Variants in CRYBA4 observed in about 807,000 individuals in gnomAD.
CRYBA4 encodes the protein crystallin beta A4.
A neutral mutation model predicts 31.7 loss-of-function variants in CRYBA4; 30 were observed. The observed-to-expected ratio is 0.95, with a 90% CI of 0.71 to 1.28. The LOEUF is 1.28. CRYBA4 is among the 50% of genes most tolerant of loss of function. CRYBA4 has a pLI of 0.00. For synonymous variants in CRYBA4, 102 were observed against 102.3 expected (o/e 1.00, Z 0.02); for missense variants, 225 against 260.7 (o/e 0.86, Z 0.94).
chr22:26,616,268 C>CT, the CRYBA4 span: 4 of 1,613,966 alleles, frequency 2.5e-6, no homozygotes, highest in Admixed American at 1.7e-5. Context: ...GTGTCAGGCC[C>CT]TGGGTTCACC....
intron 5 of CRYBA4, 74 bp from the exon 6 acceptor site, chr22:26,630,266 G>T: frequency 6.3e-7 from 1 of 1,588,690 alleles, no homozygotes; most frequent in Non-Finnish European, 8.6e-7. Flanking sequence ...CGTGTGCATA[G>T]ATCCCTTTGC....
At chr22:26,610,845 CA>C in the CRYBA4 span, among the ~76,000 whole-genome samples, 1 of 152,164 alleles carries the variant, frequency 6.6e-6, no homozygotes, top group African/African-American at 2.4e-5. Flanking sequence ...ACAAGGCAAA[CA>C]GGGGAAGTCA....
At chr22:26,598,655 A>G in the CRYBA4 span, among the ~76,000 whole-genome samples, 12 of 152,312 alleles carry the variant, frequency 7.9e-5, no homozygotes, top group East Asian at 7.7e-4. Flanking sequence ...AAGTGTTGGG[A>G]TTACAGGGGT....
the CRYBA4 span, among the ~76,000 whole-genome samples, chr22:26,605,294 G>C: frequency 1.3e-5 from 2 of 152,150 alleles, no homozygotes; most frequent in African/African-American, 2.4e-5. Context: ...CTGCCTCCCT[G>C]GGTAGCTTAA....
the CRYBA4 span, among the ~76,000 whole-genome samples, chr22:26,609,650 G>A: frequency 7.2e-5 from 11 of 152,156 alleles, no homozygotes; most frequent in South Asian, 2.1e-4. Context: ...ATCAATAGAC[G>A]AATGGGTAGA....
chr22:26,627,450 CTT>C (rs1929768120), intron 4 of CRYBA4, among the ~76,000 whole-genome samples: 2 of 115,136 alleles, frequency 1.7e-5, no homozygotes, highest in East Asian at 3.2e-4. Flanking sequence ...TTCTTTCCTT[CTT>C]TCTTTTTCTT....
Position 26,630,217 on chromosome 22 carries a change from T to G in CRYBA4, c.444-123T>G, listed in dbSNP as rs1439305678. The G allele has an allele frequency of 3.2e-6, 4 of 1,248,626 alleles. No homozygotes were observed. The African/African-American group carries it at 5.9e-5, about 18-fold the overall frequency. The allele number at this position is 1,248,626 out of a possible 1,614,324, so 77.3% of individuals were successfully genotyped here. A position where few individuals can be genotyped will look rare whatever the true frequency, so the allele number is the denominator to read the frequency against. On this transcript the variant is annotated intron_variant, in intron 5 of 5. Transcript: ENST00000354760. ...GTAGGGGAGAGAGCATGGCACATTG[T>G]GAGCACTGAAGAAAGGCCAGGATGG...
chr22:26,617,035 G>C (rs1929378272), upstream of CRYBA4, among the ~76,000 whole-genome samples: 1 of 152,260 alleles, frequency 6.6e-6, no homozygotes, highest in Non-Finnish European at 1.5e-5. Flanking sequence ...ATGAATGCAT[G>C]CTCCCAGCTC....
the CRYBA4 span, among the ~76,000 whole-genome samples, chr22:26,606,674 T>C: frequency 6.6e-6 from 1 of 152,366 alleles, no homozygotes; most frequent in South Asian, 2.1e-4. Context: ...TTGGGAATGA[T>C]CTGTTTGAAT....
At chr22:26,597,557 G>A in the CRYBA4 span, among the ~76,000 whole-genome samples, 1 of 152,116 alleles carries the variant, frequency 6.6e-6, no homozygotes, top group African/African-American at 2.4e-5. Context: ...GCAAGCTCCT[G>A]CTCCATCTTT....
chr22:26,623,143 T>C (rs1929586440), intron 2 of CRYBA4, 91 bp from the exon 3 acceptor site: 1 of 1,086,802 alleles, frequency 9.2e-7, no homozygotes, highest in African/African-American at 1.5e-5. Context: ...CAATCCCTGC[T>C]TTACCTGCCA....
chr22:26,605,320 G>T, the CRYBA4 span, among the ~76,000 whole-genome samples: 1 of 152,116 alleles, frequency 6.6e-6, no homozygotes, highest in African/African-American at 2.4e-5. Context: ...ATGAAGACAG[G>T]GACCTAGTCT....
the CRYBA4 span, among the ~76,000 whole-genome samples, chr22:26,605,671 C>CAAAAAAAA: frequency 4.6e-4 from 25 of 54,160 alleles, 1 homozygote; most frequent in East Asian, 1.8e-3. Context: ...AGATGTGTCT[C>CAAAAAAAA]AAAAAAAAAA....
At chr22:26,612,156 C>A in the CRYBA4 span, 2 of 1,613,848 alleles carry the variant, frequency 1.2e-6, no homozygotes, top group Non-Finnish European at 1.7e-6. Context: ...TTCTGCTCGA[C>A]GGCCCTGGAA....
upstream of CRYBA4, among the ~76,000 whole-genome samples, chr22:26,619,594 A>G (rs1929467710): frequency 6.6e-6 from 1 of 150,416 alleles, no homozygotes; most frequent in South Asian, 2.1e-4. Flanking sequence ...TCTGTCTTGA[A>G]CTCTCCCTGG....
chr22:26,609,298 T>A, the CRYBA4 span, among the ~76,000 whole-genome samples: 1 of 152,206 alleles, frequency 6.6e-6, no homozygotes, highest in Non-Finnish European at 1.5e-5. Context: ...ATTAAAGATA[T>A]GTTTGTCTTC....
intron 5 of CRYBA4, among the ~76,000 whole-genome samples, chr22:26,628,998 A>G (rs1044304158): frequency 6.6e-6 from 1 of 152,224 alleles, no homozygotes; most frequent in African/African-American, 2.4e-5. Context: ...GCTGAGAGTG[A>G]GAGGCCACAG....
chr22:26,619,496 C>T (rs117970376), upstream of CRYBA4, among the ~76,000 whole-genome samples: 36 of 152,320 alleles, frequency 2.4e-4, no homozygotes, highest in East Asian at 4.8e-3. Context: ...GTCGGCTCCC[C>T]AGTCCCAGGC....
At chr22:26,599,209 T>C in the CRYBA4 span, 1 of 461,790 alleles carries the variant, frequency 2.2e-6, no homozygotes, top group Non-Finnish European at 4.0e-6. Flanking sequence ...GCAAACTCCT[T>C]GACGGCAGGA....
Sources: gnomAD v4.1 joint callset for allele counts (sites outside exome capture counted in the v4.1 genomes callset) on GRCh38, gnomAD v4.1.1 for gene constraint, MANE v1.5 for transcripts, NCBI Gene and HGNC (gene_info 2026-07-23, HGNC 2026-07-21) for gene names.